The following AUTS2 variants were observed in gnomAD, a reference collection of about 807,000 sequenced individuals.
AUTS2 encodes activator of transcription and developmental regulator AUTS2.
AUTS2 carries 17 observed loss-of-function variants against 112.4 expected under a neutral mutation model. That is an observed-to-expected ratio of 0.15 (90% CI 0.10 to 0.23). AUTS2 has a LOEUF of 0.23. Ranked by LOEUF, AUTS2 falls within the 10% of genes least tolerant of loss-of-function variation. The probability of loss-of-function intolerance (pLI) is 1.00; values close to 1 mark genes in which losing one functional copy is unlikely to be tolerated. For synonymous variants in AUTS2, 751 were observed against 702.7 expected (o/e 1.07, Z -1.09); for missense variants, 1,510 against 1,701.6 (o/e 0.89, Z 1.98).
intron 5 of AUTS2, among the ~76,000 whole-genome samples, chr7:70,592,136 T>C (rs1802977580): frequency 6.6e-6 from 1 of 152,342 alleles, no homozygotes; most frequent in South Asian, 2.1e-4. Flanking sequence ...AAAATATTCA[T>C]ATTTGCCATC....
At position 70,790,547 on chromosome 7, in the gene AUTS2, G is replaced by A. The variant is rs1384336956; in HGVS notation, c.3331G>A (p.Glu1111Lys). ...CCGGCTCTCGACTCCCCGGCTGTAC[G>A]AAGCCGACCGCTCCTTCAGGGACCG... The part of the protein sequence containing the change: ...LHRLSTPRLY[E>K]ADRSFRDREP... Residue 1111 changes from glutamate to lysine, a missense_variant, in exon 19 of 19, where the codon GAA becomes AAA. Glu to Lys is a moderately conservative substitution (Grantham distance 56, BLOSUM62 1). Coordinates refer to ENST00000342771, the MANE Select transcript of AUTS2 (RefSeq NM_015570.4). The surrounding 1 kb of genome is among the most constrained non-coding windows in gnomAD (Gnocchi z 7.6). The A allele has an allele frequency of 6.2e-7, 1 of 1,605,112 alleles. No individual in the cohort carries two copies. Among genetic ancestry groups the A allele is most frequent in the South Asian group, 1.1e-5 (1 of 89,962 alleles).
rs746774405 is a variant in AUTS2, at chr7:69,599,806, G to C, written c.153G>C (p.Ser51=). The C allele has an allele frequency of 1.1e-5, 17 of 1,597,812 alleles. No individual in the cohort carries two copies. In the East Asian group the frequency reaches 1.4e-4, roughly 13 times the overall value. ...GRTRALSLAS[S]SGSDKEDNGK... ...CCCGGGCGCTCTCACTCGCCTCGTC[G>C]TCGGGCTCCGACAAGGAAGACAATG... is the stretch of plus-strand genomic sequence containing the variant. The change falls in exon 1 of 19, where the codon TCG becomes TCC. Residue 51 remains serine, a synonymous_variant. Transcript: ENST00000342771. This position sits in a 1 kb window ranked among gnomAD's most constrained non-coding sequence, Gnocchi z 7.0.
intron 6 of AUTS2, among the ~76,000 whole-genome samples, chr7:70,733,000 C>G (rs1419355200): frequency 9.2e-5 from 14 of 152,182 alleles, no homozygotes. Flanking sequence ...GCATCTTATG[C>G]TATTTCCACA....
intron 1 of AUTS2, among the ~76,000 whole-genome samples, chr7:69,612,002 A>G (rs1793066131): frequency 6.6e-6 from 1 of 151,664 alleles, no homozygotes; most frequent in Non-Finnish European, 1.5e-5. Flanking sequence ...TGAATCATTC[A>G]AGCTTCAAAC....
intron 4 of AUTS2, among the ~76,000 whole-genome samples, chr7:70,166,998 G>A (rs1050142551): frequency 2.0e-5 from 3 of 152,190 alleles, no homozygotes; most frequent in African/African-American, 7.2e-5. Context: ...TTAGAAGTCG[G>A]CTGGATCACT....
At chr7:70,491,956 G>A (rs1798265756) in intron 5 of AUTS2, among the ~76,000 whole-genome samples, 1 of 152,088 alleles carries the variant, frequency 6.6e-6, no homozygotes, top group Non-Finnish European at 1.5e-5. Flanking sequence ...ACCAGAACTT[G>A]ACACCTAGGA....
At chr7:70,048,029 G>A (rs1051969076) in intron 2 of AUTS2, among the ~76,000 whole-genome samples, 1 of 152,180 alleles carries the variant, frequency 6.6e-6, no homozygotes, top group African/African-American at 2.4e-5. Context: ...ACTTGAGGTA[G>A]TCATGATCTA....
intron 5 of AUTS2, among the ~76,000 whole-genome samples, chr7:70,555,541 C>T (rs1439378676): frequency 6.6e-6 from 1 of 152,120 alleles, no homozygotes; most frequent in Non-Finnish European, 1.5e-5. Flanking sequence ...TGGACCCTGG[C>T]ACAGTGTCCT....
At chr7:70,477,128 G>T (rs1255515800) in intron 5 of AUTS2, among the ~76,000 whole-genome samples, 5 of 152,114 alleles carry the variant, frequency 3.3e-5, no homozygotes, top group African/African-American at 9.7e-5. Context: ...ACAATTCCAG[G>T]CTGGCTCCAG....
At chr7:70,073,221 G>C (rs1802870396) in intron 2 of AUTS2, among the ~76,000 whole-genome samples, 1 of 151,688 alleles carries the variant, frequency 6.6e-6, no homozygotes. Context: ...CTTCTTAAGA[G>C]GCTGGTAGGC....
intron 2 of AUTS2, among the ~76,000 whole-genome samples, chr7:70,075,495 C>G (rs752747747): frequency 6.6e-6 from 1 of 152,028 alleles, no homozygotes; most frequent in Non-Finnish European, 1.5e-5. Flanking sequence ...ACTACAAATA[C>G]GTTAAAATAT....
intron 6 of AUTS2, among the ~76,000 whole-genome samples, chr7:70,700,849 C>T (rs1455979423): frequency 6.6e-6 from 1 of 152,166 alleles, no homozygotes; most frequent in African/African-American, 2.4e-5. Flanking sequence ...CAGCTTCATG[C>T]ACATCAAGTT....
At chr7:70,069,201 GCT>G (rs1303832682) in intron 2 of AUTS2, among the ~76,000 whole-genome samples, 1 of 152,120 alleles carries the variant, frequency 6.6e-6, no homozygotes, top group Non-Finnish European at 1.5e-5. Context: ...ATGGAGCATA[GCT>G]CTCTCTGACT....
At chr7:70,179,837 T>C (rs1311835703) in intron 4 of AUTS2, among the ~76,000 whole-genome samples, 1 of 152,212 alleles carries the variant, frequency 6.6e-6, no homozygotes, top group Non-Finnish European at 1.5e-5. Flanking sequence ...GGATTATTTC[T>C]GGGTGGTATT....
intron 6 of AUTS2, among the ~76,000 whole-genome samples, chr7:70,747,941 C>T (rs556999719): frequency 1.4e-4 from 21 of 151,328 alleles, no homozygotes; most frequent in Admixed American, 1.3e-4. Flanking sequence ...CCTGCCTCAG[C>T]GTCCCCAGTA....
intron 2 of AUTS2, among the ~76,000 whole-genome samples, chr7:70,044,709 C>T (rs77677964): frequency 0.01 from 1,541 of 152,294 alleles, 37 homozygotes; most frequent in African/African-American, 0.035. Context: ...CCGCCACCAT[C>T]ACAGATCTCA....
intron 4 of AUTS2, among the ~76,000 whole-genome samples, chr7:70,434,220 A>G (rs768057718): frequency 2.0e-5 from 3 of 152,198 alleles, no homozygotes; most frequent in Non-Finnish European, 4.4e-5. Flanking sequence ...TGGGCCTTCA[A>G]ATAAGCGATT....
At chr7:69,977,130 GT>G (rs1365007557) in intron 2 of AUTS2, among the ~76,000 whole-genome samples, 8 of 152,152 alleles carry the variant, frequency 5.3e-5, no homozygotes, top group Non-Finnish European at 1.0e-4. Flanking sequence ...TGTATATGGT[GT>G]AAAGGGTCCA....
At chr7:70,597,013 G>C (rs1389306892) in intron 5 of AUTS2, among the ~76,000 whole-genome samples, 1 of 152,118 alleles carries the variant, frequency 6.6e-6, no homozygotes, top group Non-Finnish European at 1.5e-5. Flanking sequence ...TTAATTAAGA[G>C]TTTATATAAT....
Sources: gnomAD v4.1 joint callset for allele counts (sites outside exome capture counted in the v4.1 genomes callset) on GRCh38, gnomAD v4.1.1 for gene constraint, Gnocchi (gnomAD v3.1) non-coding constraint, MANE v1.5 for transcripts, NCBI Gene and HGNC (gene_info 2026-07-23, HGNC 2026-07-21) for gene names.